Variants in PXDC1 observed in about 807,000 individuals in gnomAD.
PXDC1 encodes the protein PX domain-containing protein 1.
In PXDC1, 13 loss-of-function variants were observed where a neutral mutation model predicts 24.4. That is an observed-to-expected ratio of 0.53 (90% confidence interval 0.35 to 0.85). PXDC1 has a LOEUF of 0.85. Among genes scored for constraint, PXDC1 ranks in the 40% least tolerant of loss-of-function variants. PXDC1 has a pLI of 0.01. For synonymous variants in PXDC1, 162 were observed against 124.9 expected (o/e 1.30, Z -1.98); for missense variants, 344 against 309.3 (o/e 1.11, Z -0.84).
Position 3,723,753 on chromosome 6 carries a change from C to T in PXDC1, c.579-17G>A. ...TTCTCAAATCTGAAATTAGAGAAAC[C>T]AGAGGTGAGGGGTGGCTCATTGTTG... is the stretch of plus-strand genomic sequence containing the variant. On this transcript the variant is annotated splice_polypyrimidine_tract_variant and intron_variant, in intron 4 of 4. Coordinates refer to ENST00000380283, the MANE Select transcript of PXDC1 (RefSeq NM_183373.4). The T allele has an allele frequency of 6.2e-7, 1 of 1,600,802 alleles. No homozygotes were observed. The highest frequency in any genetic ancestry group is 8.6e-7 in the Non-Finnish European group (1 of 1,167,902).
intron 1 of PXDC1, among the ~76,000 whole-genome samples, chr6:3,744,494 G>A (rs889147221): frequency 1.3e-5 from 2 of 152,206 alleles, no homozygotes; most frequent in Non-Finnish European, 2.9e-5. Flanking sequence ...AGGGTGAGCG[G>A]ATATAAGGGT....
intron 1 of PXDC1, among the ~76,000 whole-genome samples, chr6:3,743,175 G>A (rs1340488160): frequency 6.6e-6 from 1 of 151,488 alleles, no homozygotes; most frequent in East Asian, 1.9e-4. Flanking sequence ...CTAGCGGGAG[G>A]GCTTCCTGCT....
intron 1 of PXDC1, 133 bp downstream of exon 1, chr6:3,751,143 G>C: frequency 1.5e-6 from 1 of 685,444 alleles, no homozygotes; most frequent in Non-Finnish European, 2.2e-6. Context: ...GCGGGCGCGG[G>C]GTCCAAGTGT....
intron 3 of PXDC1, among the ~76,000 whole-genome samples, chr6:3,736,546 T>A (rs1031048687): frequency 6.6e-6 from 1 of 152,186 alleles, no homozygotes; most frequent in Non-Finnish European, 1.5e-5. Flanking sequence ...GCAAGTCTAG[T>A]GTTCTCATGA....
At chr6:3,749,077 T>C (rs1379400183) in intron 1 of PXDC1, among the ~76,000 whole-genome samples, 1 of 152,134 alleles carries the variant, frequency 6.6e-6, no homozygotes, top group African/African-American at 2.4e-5. Context: ...TCCCTGGCGC[T>C]GCACAACAAA....
At chr6:3,729,584 C>T (rs1025738877) in intron 3 of PXDC1, among the ~76,000 whole-genome samples, 9 of 152,152 alleles carry the variant, frequency 5.9e-5, no homozygotes, top group Admixed American at 1.3e-4. Context: ...GTAAAAGGGG[C>T]GAAAGAAGAT....
chr6:3,737,172 T>G lies in PXDC1; in HGVS notation c.373A>C (p.Thr125Pro), dbSNP rs909850600. ...CKYSRSEVVL[T>P]FFERSPLDQV... ...TCCAGAGGAGATCTTTCGAAGAAGG[T>G]GAGCACAACTTCCGATCTAGAATAC... The change falls in exon 3 of 5, where the codon ACC becomes CCC. Residue 125 changes from threonine to proline, a missense_variant. Thr to Pro is a conservative substitution (Grantham distance 38, BLOSUM62 -1). Transcript: ENST00000380283. The surrounding 1 kb of genome is among the most constrained non-coding windows in gnomAD (Gnocchi z 5.5). The G allele has an allele frequency of 4.3e-6, 7 of 1,611,818 alleles. No homozygotes were observed. The African/African-American group carries it at 8.0e-5, about 18-fold the overall frequency.
Position 3,737,270 on chromosome 6 carries a change from G to A in PXDC1, c.349-74C>T. The A allele has an allele frequency of 3.8e-6, 4 of 1,040,520 alleles. No homozygotes were observed. The highest frequency in any genetic ancestry group is 6.0e-6 in the Non-Finnish European group (4 of 667,416). 64.5% of individuals were successfully genotyped at this position (1,040,520 alleles called of 1,614,324 possible). A position where few individuals can be genotyped will look rare whatever the true frequency, so the allele number is the denominator to read the frequency against. On this transcript the variant is annotated intron_variant, in intron 2 of 4. Transcript: ENST00000380283. The surrounding 1 kb of genome is among the most constrained non-coding windows in gnomAD (Gnocchi z 5.5). ...GGCCCTGTCTGTCTACCAAGAGAGGGCCCCGCTCCTCCGCAGAGGCAGCCT... is the reference window on the plus strand; with the variant it reads ...GGCCCTGTCTGTCTACCAAGAGAGGACCCCGCTCCTCCGCAGAGGCAGCCT...
chr6:3,738,638 T>C (rs900598944), intron 1 of PXDC1, among the ~76,000 whole-genome samples: 6 of 143,494 alleles, frequency 4.2e-5, no homozygotes, highest in African/African-American at 1.5e-4. Context: ...GTCATTTACA[T>C]GCCAAGTTCA....
chr6:3,745,946 T>C (rs1760561188), intron 1 of PXDC1, among the ~76,000 whole-genome samples: 1 of 152,192 alleles, frequency 6.6e-6, no homozygotes, highest in African/African-American at 2.4e-5. Context: ...GATGTCCCCA[T>C]TTCCTGTGGG....
intron 3 of PXDC1, among the ~76,000 whole-genome samples, chr6:3,733,256 T>G (rs2127599131): frequency 6.6e-6 from 1 of 152,286 alleles, no homozygotes; most frequent in African/African-American, 2.4e-5. Context: ...CAGGACTCTC[T>G]GGACCCCGCG....
Position 3,726,035 on chromosome 6 carries a change from G to GT in PXDC1, c.578+1515dup, listed in dbSNP as rs769856841. ...CCTCTGGCCCGGCTTTCTTCCCTCC[G>GT]TGTGTTTCTCCTCAGCTCCAGCCTG... On this transcript the variant is annotated intron_variant, in intron 4 of 4. Transcript: ENST00000380283. Among the ~76,000 whole-genome samples, 3 of 152,148 alleles carry GT rather than the reference G, an allele frequency of 2.0e-5. No homozygotes were observed. The East Asian group carries it at 5.8e-4, about 29-fold the overall frequency.
chr6:3,751,243 C>T, intron 1 of PXDC1, 33 bp downstream of exon 1: 2 of 1,421,356 alleles, frequency 1.4e-6, no homozygotes, highest in Non-Finnish European at 1.8e-6. Context: ...GCTGCCTCGG[C>T]CCCGCGCCCC....
At chr6:3,727,319 C>T (rs1334406816) in intron 4 of PXDC1, among the ~76,000 whole-genome samples, 3 of 152,208 alleles carry the variant, frequency 2.0e-5, no homozygotes, top group Admixed American at 6.5e-5. Flanking sequence ...AGCCCTGCAA[C>T]GTCTCCTAAA....
Position 3,737,975 on chromosome 6 carries a change from C to T in PXDC1, c.348+82G>A, listed in dbSNP as rs1348841225. 23 of 1,166,074 alleles carry T rather than the reference C, an allele frequency of 2.0e-5. No homozygotes were observed. The highest frequency in any genetic ancestry group is 9.0e-5 in the Admixed American group (5 of 55,408). 72.2% of individuals were successfully genotyped at this position (1,166,074 alleles called of 1,614,324 possible). On this transcript the variant is annotated intron_variant, in intron 2 of 4. Coordinates refer to ENST00000380283, the MANE Select transcript of PXDC1 (RefSeq NM_183373.4). This position sits in a 1 kb window ranked among gnomAD's most constrained non-coding sequence, Gnocchi z 5.5. ...AGACAGAGCAAGCAAGTCAACCCTC[C>T]GGGGGGATGGACGCCTTTCGCATTT... is the stretch of plus-strand genomic sequence containing the variant.
intron 1 of PXDC1, 138 bp downstream of exon 1, chr6:3,751,138 C>T: frequency 1.5e-6 from 1 of 653,506 alleles, no homozygotes; most frequent in Non-Finnish European, 2.3e-6. Flanking sequence ...CGTCTGCGGG[C>T]GCGGGGTCCA....
At position 3,751,517 on chromosome 6, in the gene PXDC1, C is replaced by T. The variant is rs147248402; in HGVS notation, c.15G>A (p.Val5=). The T allele has an allele frequency of 2.1e-3, 3,394 of 1,595,184 alleles. 72 individuals are homozygous for T. In the African/African-American group the frequency reaches 0.04, roughly 19 times the overall value. The stretch of plus-strand genomic sequence containing the variant: ...TGTTCACGAGCGACGTGCCCTCAAA[C>T]ACCGCCGAGGCCATGTCGCACGCAT... MASA[V]FEGTSLVNMF... Residue 5 remains valine (V), a synonymous_variant, in exon 1 of 5, where the codon GTG becomes GTA. Transcript: ENST00000380283.
Position 3,737,800 on chromosome 6 carries a change from T to G in PXDC1, c.348+257A>C. On this transcript the variant is annotated intron_variant, in intron 2 of 4. Coordinates refer to ENST00000380283, the MANE Select transcript of PXDC1 (RefSeq NM_183373.4). This position sits in a 1 kb window ranked among gnomAD's most constrained non-coding sequence, Gnocchi z 5.5. ...TCCGCACCCTTCCACCCATGCCTCCTTGCATCCCTCATTTTCACTCTTTCC... is the reference window on the plus strand; with the variant it reads ...TCCGCACCCTTCCACCCATGCCTCCGTGCATCCCTCATTTTCACTCTTTCC... The G allele has an allele frequency of 2.0e-6, 1 of 504,866 alleles. No individual in the cohort carries two copies. Among genetic ancestry groups the G allele is most frequent in the Non-Finnish European group, 2.6e-6 (1 of 391,146 alleles). 31.3% of individuals were successfully genotyped at this position (504,866 alleles called of 1,614,324 possible).
At chr6:3,747,710 T>C (rs754119460) in intron 1 of PXDC1, among the ~76,000 whole-genome samples, 35 of 152,246 alleles carry the variant, frequency 2.3e-4, no homozygotes, top group Non-Finnish European at 4.1e-4. Flanking sequence ...AGCCCCTTTC[T>C]TTGCTTACTT....
Sources: allele counts gnomAD v4.1 joint callset (sites outside exome capture counted in the v4.1 genomes callset), GRCh38; gene constraint gnomAD v4.1.1; non-coding constraint Gnocchi (gnomAD v3.1); transcripts MANE v1.5; gene names NCBI Gene and HGNC (gene_info 2026-07-23, HGNC 2026-07-21).